Variants in KREMEN1 observed in about 807,000 individuals in gnomAD.
KREMEN1 encodes kremen protein 1.
KREMEN1 carries 30 observed loss-of-function variants against 46.5 expected under a neutral mutation model. The ratio of observed to expected loss-of-function variants is 0.65; its 90% CI spans 0.48 to 0.88. KREMEN1 has a LOEUF of 0.88. KREMEN1 is among the 40% of genes least tolerant of loss of function. The pLI is 0.00. For missense variants in KREMEN1, 533 were observed against 596.9 expected (o/e 0.89, Z 1.11); for synonymous variants, 214 against 230.6 (o/e 0.93, Z 0.65).
At chr22:29,138,577 G>A in intron 6 of KREMEN1, 47 bp from the exon 7 acceptor site, 1 of 1,567,824 alleles carries the variant, frequency 6.4e-7, no homozygotes, top group Non-Finnish European at 8.8e-7. Context: ...ACAACTCTTT[G>A]TTGTCTCCAT....
intron 1 of KREMEN1, among the ~76,000 whole-genome samples, chr22:29,091,086 G>A (rs1402629296): frequency 6.6e-6 from 1 of 152,224 alleles, no homozygotes; most frequent in Admixed American, 6.5e-5. Context: ...CGATTCTCCT[G>A]CCTCAGCTTC....
At chr22:29,097,088 G>C (rs139296545) in intron 2 of KREMEN1, among the ~76,000 whole-genome samples, 27 of 152,352 alleles carry the variant, frequency 1.8e-4, no homozygotes, top group African/African-American at 6.3e-4. Flanking sequence ...TGTACTTTGG[G>C]AAAGCTTATC....
chr22:29,101,193 A>G (rs2037969551), intron 3 of KREMEN1, among the ~76,000 whole-genome samples: 1 of 146,722 alleles, frequency 6.8e-6, no homozygotes, highest in Non-Finnish European at 1.5e-5. Flanking sequence ...CAGAGATTGC[A>G]CTGAGCTGAG....
chr22:29,132,256 C>T (rs2038576259), intron 5 of KREMEN1, among the ~76,000 whole-genome samples: 1 of 152,094 alleles, frequency 6.6e-6, no homozygotes, highest in African/African-American at 2.4e-5. Flanking sequence ...TTCCTTTGTA[C>T]AGATGTATCG....
intron 9 of KREMEN1, among the ~76,000 whole-genome samples, chr22:29,159,012 T>G (rs2038986222): frequency 6.6e-6 from 1 of 151,962 alleles, no homozygotes; most frequent in African/African-American, 2.4e-5. Flanking sequence ...AGAGACAGGG[T>G]TTCTCCATGT....
chr22:29,157,629 C>T (rs1410134807), intron 9 of KREMEN1, among the ~76,000 whole-genome samples: 2 of 152,138 alleles, frequency 1.3e-5, no homozygotes, highest in Admixed American at 1.3e-4. Context: ...TGAGCCACCA[C>T]ATCCAGCCCC....
chr22:29,118,638 A>T (rs1485961273), intron 3 of KREMEN1, among the ~76,000 whole-genome samples: 1 of 152,076 alleles, frequency 6.6e-6, no homozygotes, highest in Non-Finnish European at 1.5e-5. Flanking sequence ...TGATTCCATC[A>T]TGGGGGCTCA....
chr22:29,125,043 A>G (rs1280986764), intron 4 of KREMEN1, among the ~76,000 whole-genome samples: 1 of 152,222 alleles, frequency 6.6e-6, no homozygotes, highest in Non-Finnish European at 1.5e-5. Context: ...CAAACATTAA[A>G]AAGTGATGCT....
intron 2 of KREMEN1, among the ~76,000 whole-genome samples, chr22:29,094,889 G>T (rs1321840206): frequency 6.6e-6 from 1 of 152,208 alleles, no homozygotes; most frequent in Non-Finnish European, 1.5e-5. Context: ...CTCCCAAAGT[G>T]CTGGGGTTAC....
At position 29,145,101 on chromosome 22, in the gene KREMEN1, C is replaced by T; in HGVS notation, c.*2989C>T. On this transcript the variant is annotated 3_prime_UTR_variant, in exon 9 of 9. Coordinates refer to ENST00000400335, the MANE Select transcript of KREMEN1 (RefSeq NM_001039570.3). ...AGCCTGGCTATGGACTCAGTTAGAA[C>T]CAGGTAGAAAGTCAGCGACACCCCA... is the stretch of plus-strand genomic sequence containing the variant. 1.0e-6 allele frequency: 1 copy of T among 985,780 alleles called. No homozygotes were observed. The highest frequency in any genetic ancestry group is 1.2e-6 in the Non-Finnish European group (1 of 830,100). The allele number at this position is 985,780 out of a possible 1,614,324, so 61.1% of individuals were successfully genotyped here.
At chr22:29,121,723 T>A (rs1035932521) in intron 4 of KREMEN1, among the ~76,000 whole-genome samples, 1 of 152,230 alleles carries the variant, frequency 6.6e-6, no homozygotes, top group Non-Finnish European at 1.5e-5. Flanking sequence ...ACACAGAATT[T>A]CTTTTCTGGG....
chr22:29,104,484 A>C (rs182755010), intron 3 of KREMEN1, among the ~76,000 whole-genome samples: 1 of 152,348 alleles, frequency 6.6e-6, no homozygotes, highest in Non-Finnish European at 1.5e-5. Context: ...CATAGCCCAC[A>C]GGTATCTGAT....
intron 3 of KREMEN1, among the ~76,000 whole-genome samples, chr22:29,103,077 T>C (rs2037999978): frequency 6.6e-6 from 1 of 152,196 alleles, no homozygotes; most frequent in Non-Finnish European, 1.5e-5. Flanking sequence ...GCCTGGTGGA[T>C]TTAACAGAGA....
At chr22:29,131,560 A>ATATATATG (rs1240832937) in intron 5 of KREMEN1, among the ~76,000 whole-genome samples, 51 of 69,890 alleles carry the variant, frequency 7.3e-4, no homozygotes, top group Middle Eastern at 0.015. Context: ...ATATATATAT[A>ATATATATG]TGTGTGTGTG....
chr22:29,138,080 C>T (rs1172188815), intron 6 of KREMEN1, among the ~76,000 whole-genome samples: 2 of 152,242 alleles, frequency 1.3e-5, no homozygotes, highest in Non-Finnish European at 2.9e-5. Context: ...ATCTTCAAAC[C>T]CTGCTATGAT....
chr22:29,141,523 C>T (rs1196880616), intron 8 of KREMEN1, among the ~76,000 whole-genome samples: 6 of 152,324 alleles, frequency 3.9e-5, no homozygotes, highest in Admixed American at 6.5e-5. Context: ...GAACAGAGTC[C>T]GGGCCAGCAC....
chr22:29,120,119 G>C (rs2038313603), intron 3 of KREMEN1, among the ~76,000 whole-genome samples: 1 of 96,504 alleles, frequency 1.0e-5, no homozygotes, highest in Non-Finnish European at 2.3e-5. Flanking sequence ...AATGGAGGAG[G>C]GAGAGGTGAT....
chr22:29,108,382 T>TG (rs1253334454), intron 3 of KREMEN1, among the ~76,000 whole-genome samples: 1 of 152,256 alleles, frequency 6.6e-6, no homozygotes, highest in African/African-American at 2.4e-5. Context: ...GGAAAGAATG[T>TG]GGACATCTGA....
chr22:29,149,171 T>TTTTTTTTTTTC (rs2038896373), downstream of KREMEN1, among the ~76,000 whole-genome samples: 1 of 149,336 alleles, frequency 6.7e-6, no homozygotes, highest in African/African-American at 2.4e-5. Flanking sequence ...AATGGCACCT[T>TTTTTTTTTTTC]TTTTTTTTTT....
Sources: allele counts gnomAD v4.1 joint callset (sites outside exome capture counted in the v4.1 genomes callset), GRCh38; gene constraint gnomAD v4.1.1; transcripts MANE v1.5; gene names NCBI Gene and HGNC (gene_info 2026-07-23, HGNC 2026-07-21).